Variants in ZNF484 observed in about 807,000 individuals in gnomAD.
The protein encoded by ZNF484 is KRAB box containing C2H2 type zinc finger bA526D8.4.
A neutral mutation model predicts 12.9 loss-of-function variants in ZNF484; 11 were observed. The observed-to-expected ratio is 0.85, with a 90% CI of 0.54 to 1.41. ZNF484 has a LOEUF of 1.41. Among genes scored for constraint, ZNF484 ranks in the 40% most tolerant of loss-of-function variants. The pLI, the probability that ZNF484 is intolerant of heterozygous loss-of-function variation, is 0.00. For synonymous variants in ZNF484, 289 were observed against 334.1 expected (o/e 0.86, Z 1.47); for missense variants, 807 against 1,007.7 (o/e 0.80, Z 2.70).
At chr9:92,877,054 C>T (rs1216970428) in intron 1 of ZNF484, among the ~76,000 whole-genome samples, 3 of 152,124 alleles carry the variant, frequency 2.0e-5, no homozygotes, top group African/African-American at 7.2e-5. Context: ...ACAGCTAAAA[C>T]ATACTTTAAT....
intron 2 of ZNF484, among the ~76,000 whole-genome samples, chr9:92,868,257 T>C (rs919208488): frequency 6.6e-5 from 10 of 152,214 alleles, no homozygotes; most frequent in African/African-American, 1.2e-4. Context: ...GGACAGCCCA[T>C]GCCAGTAGCT....
At chr9:92,859,076 A>T (rs1453097309) in intron 2 of ZNF484, among the ~76,000 whole-genome samples, 1 of 152,130 alleles carries the variant, frequency 6.6e-6, no homozygotes, top group Non-Finnish European at 1.5e-5. Flanking sequence ...CAGTGAGCCA[A>T]GACTGCACCA....
At position 92,846,266 on chromosome 9, in the gene ZNF484, C is replaced by T; in HGVS notation, c.2521G>A (p.Asp841Asn). The T allele has an allele frequency of 6.2e-7, 1 of 1,613,974 alleles. No homozygotes were observed. The change falls in exon 5 of 5, where the codon GAC becomes AAC. Residue 841 changes from aspartate to asparagine, a missense_variant. Asp to Asn is a conservative substitution (Grantham distance 23). Coordinates refer to ENST00000375495, the MANE Select transcript of ZNF484 (RefSeq NM_031486.4). ...AGTTGGCCTTGGTCACCTTCTGAGT[C>T]CCCACACCATAATTGTGGCATGGAG... ...ECSMPQLWCG[D>N]SEGDQGQLSS...
At chr9:92,875,141 C>T in intron 1 of ZNF484, 82 bp from the exon 2 acceptor site, 1 of 1,188,874 alleles carries the variant, frequency 8.4e-7, no homozygotes, top group Non-Finnish European at 1.2e-6. Flanking sequence ...TCATTTAGTG[C>T]CCTTGCACCT....
At chr9:92,867,627 A>G (rs1857186936) in intron 2 of ZNF484, among the ~76,000 whole-genome samples, 1 of 152,230 alleles carries the variant, frequency 6.6e-6, no homozygotes, top group East Asian at 1.9e-4. Context: ...TTAAAGTAAA[A>G]TTTTAAAAAA....
At chr9:92,866,147 A>G (rs1010093191) in intron 2 of ZNF484, among the ~76,000 whole-genome samples, 1 of 152,196 alleles carries the variant, frequency 6.6e-6, no homozygotes, top group Non-Finnish European at 1.5e-5. Context: ...GATTGAGGAC[A>G]TGGGCTGATA....
At position 92,846,101 on chromosome 9, in the gene ZNF484, G is replaced by T; in HGVS notation, c.*127C>A. On this transcript the variant is annotated 3_prime_UTR_variant, in exon 5 of 5. Coordinates refer to ENST00000375495, the MANE Select transcript of ZNF484 (RefSeq NM_031486.4). Reference sequence around the variant, plus strand: ...CTTGCACATTTACTATTATTTGCAGGAGCTTGACAACACCAATATCAAGTA... The same window carrying T: ...CTTGCACATTTACTATTATTTGCAGTAGCTTGACAACACCAATATCAAGTA... The T allele has an allele frequency of 1.1e-6, 1 of 905,608 alleles. No homozygotes were observed. 56.1% of individuals were successfully genotyped at this position (905,608 alleles called of 1,614,324 possible).
In ZNF484 at chr9:92,847,472, G is replaced by GT. The variant is rs781603445; in HGVS notation, c.1314dup (p.Pro439ThrfsTer3). 9 of 1,612,354 alleles carry GT rather than the reference G, an allele frequency of 5.6e-6. No individual in the cohort carries two copies. In the African/African-American group the frequency reaches 1.2e-4, roughly 22 times the overall value. Reference sequence around the variant, plus strand: ...TTCCCACAGTCACTGCATTCATAGGGTTTTTCTCCAGTATGAATTCTTTCA... The same window carrying GT: ...TTCCCACAGTCACTGCATTCATAGGGTTTTTTCTCCAGTATGAATTCTTTCA... On this transcript the variant is annotated frameshift_variant, in exon 5 of 5. Coordinates refer to ENST00000375495, the MANE Select transcript of ZNF484 (RefSeq NM_031486.4). LOFTEE classifies it low-confidence loss of function (END_TRUNC).
Position 92,844,310 on chromosome 9 carries a change from G to A in ZNF484, c.*1918C>T, listed in dbSNP as rs1014214639. ...ACAGGCCAACAGAACTGGGTAATAA[G>A]GTTATCCCTAAAAGAAACAGAGAAG... is the stretch of plus-strand genomic sequence containing the variant. On this transcript the variant is annotated 3_prime_UTR_variant, in exon 5 of 5. Coordinates refer to ENST00000375495, the MANE Select transcript of ZNF484 (RefSeq NM_031486.4). Among the ~76,000 whole-genome samples the A allele has an allele frequency of 6.6e-6, 1 of 152,138 alleles. No homozygotes were observed. The highest frequency in any genetic ancestry group is 2.4e-5 in the African/African-American group (1 of 41,430).
chr9:92,870,277 T>G (rs182647812), intron 2 of ZNF484, among the ~76,000 whole-genome samples: 42 of 151,992 alleles, frequency 2.8e-4, no homozygotes, highest in African/African-American at 9.4e-4. Context: ...CATCAACAAG[T>G]GCATACAAAA....
intron 4 of ZNF484, among the ~76,000 whole-genome samples, chr9:92,852,646 C>A (rs1157994524): frequency 1.3e-5 from 2 of 148,618 alleles, no homozygotes; most frequent in East Asian, 2.0e-4. Flanking sequence ...AAGTGATTCT[C>A]CTGCCTCAGC....
intron 2 of ZNF484, among the ~76,000 whole-genome samples, chr9:92,865,250 G>A (rs888117923): frequency 2.0e-5 from 3 of 151,604 alleles, no homozygotes; most frequent in African/African-American, 4.9e-5. Flanking sequence ...GACCAGCCTG[G>A]GCAACATAGT....
At chr9:92,853,689 T>C (rs183207433) in intron 4 of ZNF484, among the ~76,000 whole-genome samples, 58 of 152,320 alleles carry the variant, frequency 3.8e-4, no homozygotes, top group Non-Finnish European at 6.2e-4. Context: ...AGGTTAGTTA[T>C]GTATAGGACA....
At chr9:92,874,552 T>C (rs1350715570) in intron 2 of ZNF484, among the ~76,000 whole-genome samples, 1 of 152,096 alleles carries the variant, frequency 6.6e-6, no homozygotes, top group Non-Finnish European at 1.5e-5. Flanking sequence ...TCTCATGTGA[T>C]CCACCTGCCT....
At chr9:92,867,547 G>GA in intron 2 of ZNF484, among the ~76,000 whole-genome samples, 1 of 152,126 alleles carries the variant, frequency 6.6e-6, no homozygotes, top group Non-Finnish European at 1.5e-5. Flanking sequence ...GTTGATAGAT[G>GA]CAGCAAACCA....
chr9:92,869,563 A>C (rs190704724), intron 2 of ZNF484, among the ~76,000 whole-genome samples: 123 of 152,262 alleles, frequency 8.1e-4, no homozygotes, highest in African/African-American at 2.8e-3. Context: ...TCTCTACTAA[A>C]TAAATAAATA....
In ZNF484 at chr9:92,848,589, C is replaced by T. The variant is rs1855856923; in HGVS notation, c.236-38G>A. On this transcript the variant is annotated intron_variant, in intron 4 of 4. Coordinates refer to ENST00000375495, the MANE Select transcript of ZNF484 (RefSeq NM_031486.4). The surrounding 1 kb of genome is among the most constrained non-coding windows in gnomAD (Gnocchi z 4.1). ...GAAAAGATAAGACTGACAAAAAGAA[C>T]AATTAACAGAAAATAAGGCCAGGTG... is the stretch of plus-strand genomic sequence containing the variant. 6.6e-7 allele frequency: 1 copy of T among 1,522,036 alleles called. No homozygotes were observed. 94.3% of individuals were successfully genotyped at this position (1,522,036 alleles called of 1,614,324 possible).
chr9:92,863,958 A>G (rs1036438878), intron 2 of ZNF484, among the ~76,000 whole-genome samples: 1 of 152,226 alleles, frequency 6.6e-6, no homozygotes, highest in Admixed American at 6.5e-5. Context: ...ATTGAAGAAG[A>G]GGTGTCAGCA....
intron 2 of ZNF484, among the ~76,000 whole-genome samples, chr9:92,871,569 C>A (rs1857436963): frequency 6.6e-6 from 1 of 152,154 alleles, no homozygotes; most frequent in Admixed American, 6.5e-5. Flanking sequence ...TATACACTTA[C>A]AGATAGAAGC....
Sources: allele counts gnomAD v4.1 joint callset (sites outside exome capture counted in the v4.1 genomes callset), GRCh38; gene constraint gnomAD v4.1.1; non-coding constraint Gnocchi (gnomAD v3.1); transcripts MANE v1.5; gene names NCBI Gene and HGNC (gene_info 2026-07-23, HGNC 2026-07-21).